The following PPTC7 variants were observed in gnomAD, a reference collection of about 807,000 sequenced individuals.
PPTC7 encodes protein phosphatase targeting COQ7.
A neutral mutation model predicts 30.8 loss-of-function variants in PPTC7; 6 were observed. The ratio of observed to expected loss-of-function variants is 0.19; its 90% CI spans 0.11 to 0.38. The LOEUF (loss-of-function observed/expected upper bound fraction) is 0.38. Ranked by LOEUF, PPTC7 falls within the 10% of genes least tolerant of loss-of-function variation. PPTC7 has a pLI of 1.00. For synonymous variants in PPTC7, 163 were observed against 168.1 expected (o/e 0.97, Z 0.23); for missense variants, 218 against 404.8 (o/e 0.54, Z 3.96).
intron 1 of PPTC7, among the ~76,000 whole-genome samples, chr12:110,554,748 A>G (rs2064373483): frequency 6.6e-6 from 1 of 152,206 alleles, no homozygotes; most frequent in Non-Finnish European, 1.5e-5. Flanking sequence ...ATTTCTATCT[A>G]CTAAATTCAA....
chr12:110,562,129 A>G (rs934734608), intron 1 of PPTC7, among the ~76,000 whole-genome samples: 37 of 151,614 alleles, frequency 2.4e-4, no homozygotes, highest in African/African-American at 8.5e-4. Flanking sequence ...TTTAAAAATG[A>G]AAAAAATTAG....
At chr12:110,567,772 A>G (rs1225556105) in intron 1 of PPTC7, among the ~76,000 whole-genome samples, 2 of 152,146 alleles carry the variant, frequency 1.3e-5, no homozygotes, top group Non-Finnish European at 2.9e-5. Context: ...CTTCCATGTA[A>G]TATGTATTTA....
At chr12:110,577,310 AG>A (rs909871267) in intron 1 of PPTC7, among the ~76,000 whole-genome samples, 2 of 151,714 alleles carry the variant, frequency 1.3e-5, no homozygotes, top group African/African-American at 2.4e-5. Flanking sequence ...AAAAAAAAAA[AG>A]AAAAAAAAAT....
chr12:110,583,315 T>G lies in PPTC7; in HGVS notation c.-284A>C. The G allele has an allele frequency of 6.1e-6, 1 of 164,612 alleles. No individual in the cohort carries two copies. 10.2% of individuals were successfully genotyped at this position (164,612 alleles called of 1,614,324 possible). ...CCGCCGCCGCCATCTTCCGCTCCAC[T>G]AGCGTGTTCCGGGCGGTGCCGGCAG... On this transcript the variant is annotated 5_prime_UTR_variant, in exon 1 of 6. Coordinates refer to ENST00000354300, the MANE Select transcript of PPTC7 (RefSeq NM_139283.2).
chr12:110,560,965 T>G (rs1053578025), intron 1 of PPTC7, among the ~76,000 whole-genome samples: 1 of 152,176 alleles, frequency 6.6e-6, no homozygotes, highest in Non-Finnish European at 1.5e-5. Flanking sequence ...GAGTTGAAAC[T>G]CTAGAGGAGA....
intron 1 of PPTC7, among the ~76,000 whole-genome samples, chr12:110,557,965 G>C (rs1290874442): frequency 6.6e-6 from 1 of 152,130 alleles, no homozygotes; most frequent in Non-Finnish European, 1.5e-5. Flanking sequence ...CAGCATGAGG[G>C]TTTATGGGGA....
At chr12:110,569,089 T>G (rs2064511188) in intron 1 of PPTC7, among the ~76,000 whole-genome samples, 1 of 139,014 alleles carries the variant, frequency 7.2e-6, no homozygotes, top group South Asian at 2.4e-4. Flanking sequence ...TCCCAACACT[T>G]TGGGTGGCCA....
At chr12:110,546,167 C>T (rs1388084933) in intron 2 of PPTC7, 89 bp from the exon 3 acceptor site, 5 of 1,033,462 alleles carry the variant, frequency 4.8e-6, no homozygotes, top group African/African-American at 1.6e-5. Flanking sequence ...GAGCAACACA[C>T]CATAATTTCA....
In PPTC7 at chr12:110,533,809, A is replaced by G. The variant is rs2064194007; in HGVS notation, c.*3228T>C. 6.6e-6 allele frequency: 1 copy of G among 152,174 alleles called. No homozygotes were observed. The highest frequency in any genetic ancestry group is 6.5e-5 in the Admixed American group (1 of 15,270). 9.4% of individuals were successfully genotyped at this position (152,174 alleles called of 1,614,324 possible). ...CAATAAATTCCCACGATTCCTGCCTAACTTGTTACTTGGTATGGTGGGCTA... is the reference window on the plus strand; with the variant it reads ...CAATAAATTCCCACGATTCCTGCCTGACTTGTTACTTGGTATGGTGGGCTA... On this transcript the variant is annotated 3_prime_UTR_variant, in exon 6 of 6. Coordinates refer to ENST00000354300, the MANE Select transcript of PPTC7 (RefSeq NM_139283.2).
intron 2 of PPTC7, among the ~76,000 whole-genome samples, chr12:110,550,220 C>T (rs2064339580): frequency 6.8e-6 from 1 of 147,346 alleles, no homozygotes; most frequent in Non-Finnish European, 1.5e-5. Flanking sequence ...TAAACAGGGG[C>T]TGATTTTTTT....
chr12:110,557,071 G>A (rs1237103767), intron 1 of PPTC7, among the ~76,000 whole-genome samples: 1 of 152,144 alleles, frequency 6.6e-6, no homozygotes, highest in Admixed American at 6.5e-5. Flanking sequence ...GAAAGTTGTA[G>A]AAAATCAAGA....
chr12:110,573,906 G>A lies in PPTC7; in HGVS notation c.223+8903C>T, dbSNP rs187688723. The stretch of plus-strand genomic sequence containing the variant: ...TGAGGCACGAGAATCGCTTGAACCC[G>A]GGAGGCGGAGGTTACGGTGAGCCGA... On this transcript the variant is annotated intron_variant, in intron 1 of 5. Transcript: ENST00000354300. Among the ~76,000 whole-genome samples, 1,045 of 151,994 alleles carry A rather than the reference G, an allele frequency of 6.9e-3. 1 individual carries two copies. Among genetic ancestry groups the A allele is most frequent in the Non-Finnish European group, 9.4e-3 (636 of 67,962 alleles).
intron 3 of PPTC7, 107 bp downstream of exon 3, chr12:110,545,773 G>A (rs1593146591): frequency 2.1e-6 from 2 of 965,492 alleles, no homozygotes; most frequent in Non-Finnish European, 1.6e-6. Context: ...CATTCTCAGT[G>A]TATTCTTTTC....
chr12:110,541,811 T>TGTGC (rs2064262513), intron 3 of PPTC7, among the ~76,000 whole-genome samples: 1 of 151,338 alleles, frequency 6.6e-6, no homozygotes, highest in Non-Finnish European at 1.5e-5. Flanking sequence ...CATACGTAGG[T>TGTGC]ATTTATTAGT....
intron 1 of PPTC7, among the ~76,000 whole-genome samples, chr12:110,554,970 CAG>C (rs1565921066): frequency 6.6e-6 from 1 of 152,080 alleles, no homozygotes; most frequent in African/African-American, 2.4e-5. Flanking sequence ...TTTTTTAAAA[CAG>C]GGATTTTTTA....
chr12:110,538,320 G>A (rs2064233680), intron 4 of PPTC7, 47 bp from the exon 5 acceptor site: 4 of 1,569,430 alleles, frequency 2.5e-6, no homozygotes, highest in Non-Finnish European at 3.5e-6. Flanking sequence ...GCTCAAGACA[G>A]TAACATTTAT....
At chr12:110,578,703 A>G (rs2135798869) in intron 1 of PPTC7, among the ~76,000 whole-genome samples, 1 of 152,372 alleles carries the variant, frequency 6.6e-6, no homozygotes, top group Non-Finnish European at 1.5e-5. Context: ...ATATGGTGTC[A>G]ATTCAAAGAA....
intron 1 of PPTC7, among the ~76,000 whole-genome samples, chr12:110,553,926 A>G (rs2064367583): frequency 6.6e-6 from 1 of 152,120 alleles, no homozygotes; most frequent in Non-Finnish European, 1.5e-5. Flanking sequence ...CAGTGGCGTG[A>G]TCTCAGCTCA....
intron 1 of PPTC7, among the ~76,000 whole-genome samples, chr12:110,554,382 T>C (rs950261231): frequency 6.6e-5 from 10 of 152,132 alleles, no homozygotes; most frequent in African/African-American, 2.2e-4. Flanking sequence ...TCTCACTGTA[T>C]TGCCCAGGCT....
Sources: allele counts gnomAD v4.1 joint callset (sites outside exome capture counted in the v4.1 genomes callset), GRCh38; gene constraint gnomAD v4.1.1; transcripts MANE v1.5; gene names NCBI Gene and HGNC (gene_info 2026-07-23, HGNC 2026-07-21).